RAPH1: variants seen among roughly 807,000 people sequenced by gnomAD.
RAPH1 encodes Ras association (RalGDS/AF-6) and pleckstrin homology domains 1.
In RAPH1, 18 loss-of-function variants were observed where a neutral mutation model predicts 88.1. That is an observed-to-expected ratio of 0.20 (90% CI 0.14 to 0.30). The LOEUF is 0.30. Ranked by LOEUF, RAPH1 falls within the 10% of genes least tolerant of loss-of-function variation. RAPH1 has a pLI of 1.00. For synonymous variants in RAPH1, 587 were observed against 559.0 expected, an observed-to-expected ratio of 1.05 and a Z score of -0.71; for missense variants, 1,448 against 1,543.2, an observed-to-expected ratio of 0.94 and a Z score of 1.03.
At chr2:203,520,640 A>G (rs1258926433) in intron 1 of RAPH1, among the ~76,000 whole-genome samples, 1 of 152,070 alleles carries the variant, frequency 6.6e-6, no homozygotes, top group Non-Finnish European at 1.5e-5. Flanking sequence ...AAAGGAAAAA[A>G]AAAAAACTAC....
intron 1 of RAPH1, among the ~76,000 whole-genome samples, chr2:203,503,077 G>C (rs986740025): frequency 3.9e-5 from 6 of 152,184 alleles, no homozygotes; most frequent in Admixed American, 3.9e-4. Context: ...CCAGGAGGTA[G>C]AGGTTGCAGT....
At chr2:203,450,066 A>G (rs2098513502) in intron 10 of RAPH1, among the ~76,000 whole-genome samples, 1 of 152,028 alleles carries the variant, frequency 6.6e-6, no homozygotes, top group Admixed American at 6.6e-5. Context: ...AAAGCTTTAA[A>G]AGAATTTAGT....
chr2:203,468,788 G>A (rs548739939), intron 4 of RAPH1, among the ~76,000 whole-genome samples: 15 of 152,266 alleles, frequency 9.9e-5, no homozygotes, highest in Middle Eastern at 3.4e-3. Context: ...GAAGGGGGAC[G>A]GGCAATAATA....
Position 203,440,370 on chromosome 2 carries a change from T to TG in RAPH1, c.2819dup (p.Pro941ThrfsTer11). On this transcript the variant is annotated frameshift_variant, in exon 14 of 14. Coordinates refer to ENST00000319170, the MANE Select transcript of RAPH1 (RefSeq NM_213589.3). LOFTEE classifies it high-confidence loss of function. ...TAGGAGAAGCTGTGGGTGGAGGTGG[T>TG]GGTGGTGGGGCTGGGACAGGTGATG... 1 of 1,578,750 alleles carries TG rather than the reference T, an allele frequency of 6.3e-7. No individual in the cohort carries two copies. Among genetic ancestry groups the TG allele is most frequent in the Non-Finnish European group, 8.6e-7 (1 of 1,162,392 alleles).
intron 1 of RAPH1, among the ~76,000 whole-genome samples, chr2:203,529,654 CA>C (rs1182220272): frequency 6.6e-6 from 1 of 152,236 alleles, no homozygotes; most frequent in Non-Finnish European, 1.5e-5. Flanking sequence ...TGAGCCACTG[CA>C]CCCGGCCAAA....
chr2:203,502,686 G>A (rs1407200453), intron 1 of RAPH1, among the ~76,000 whole-genome samples: 7 of 151,624 alleles, frequency 4.6e-5, no homozygotes, highest in Non-Finnish European at 1.0e-4. Flanking sequence ...CGGGTGTGGT[G>A]GCAGGTGCCT....
intron 13 of RAPH1, 45 bp from the exon 14 acceptor site, chr2:203,441,458 A>C (rs1319892373): frequency 6.7e-7 from 1 of 1,491,540 alleles, no homozygotes; most frequent in East Asian, 2.3e-5. Context: ...AAAACACAAC[A>C]AACAAAACAG....
chr2:203,444,814 A>G, intron 13 of RAPH1, 54 bp downstream of exon 13: 1 of 1,555,956 alleles, frequency 6.4e-7, no homozygotes, highest in Non-Finnish European at 8.8e-7. Flanking sequence ...GCAACAATTT[A>G]AACCCAAAAG....
intron 1 of RAPH1, among the ~76,000 whole-genome samples, chr2:203,510,760 T>G (rs964472138): frequency 2.0e-5 from 3 of 152,296 alleles, no homozygotes; most frequent in Middle Eastern, 3.4e-3. Flanking sequence ...GAAGGTTGCA[T>G]GACCTTGTGA....
intron 1 of RAPH1, among the ~76,000 whole-genome samples, chr2:203,529,175 T>C (rs1690275644): frequency 6.6e-6 from 1 of 151,568 alleles, no homozygotes; most frequent in Non-Finnish European, 1.5e-5. Context: ...AGACAGGGTT[T>C]TGCCATGTTC....
intron 7 of RAPH1, among the ~76,000 whole-genome samples, chr2:203,459,561 G>A (rs1052549462): frequency 2.6e-5 from 4 of 152,176 alleles, no homozygotes; most frequent in African/African-American, 9.7e-5. Context: ...TTTCTTTGAT[G>A]AGATGACAAA....
chr2:203,439,662 C>T lies in RAPH1; in HGVS notation c.3528G>A (p.Lys1176=). The T allele has an allele frequency of 6.2e-7, 1 of 1,614,098 alleles. No homozygotes were observed. The highest frequency in any genetic ancestry group is 8.5e-7 in the Non-Finnish European group (1 of 1,180,022). ...LADLNRTLQR[K]SITRHGSLSS... ...AGAGTGAGCCGTGCCGAGTGATGGA[C>T]TTTCGTTGCAGTGTCCTGTTGAGGT... Residue 1176 remains lysine, a synonymous_variant, in exon 14 of 14, where the codon AAG becomes AAA. Coordinates refer to ENST00000319170, the MANE Select transcript of RAPH1 (RefSeq NM_213589.3).
At chr2:203,458,769 TC>T (rs2098521901) in intron 7 of RAPH1, among the ~76,000 whole-genome samples, 3 of 146,946 alleles carry the variant, frequency 2.0e-5, no homozygotes, top group Non-Finnish European at 3.0e-5. Flanking sequence ...TTTCTTTTTC[TC>T]TTTTTTTTTT....
Position 203,454,456 on chromosome 2 carries a change from G to A in RAPH1, c.1387C>T (p.Pro463Ser), listed in dbSNP as rs2098517512. 6.2e-7 allele frequency: 1 copy of A among 1,612,800 alleles called. No homozygotes were observed. ...GQDYRNKYKA[P>S]TDYCLVLKHP... Reference sequence around the variant, plus strand: ...TTCAGCACCAGACAATAGTCTGTAGGTGCTTTGTATTTGTTCCGATAGTCC... The same window carrying A: ...TTCAGCACCAGACAATAGTCTGTAGATGCTTTGTATTTGTTCCGATAGTCC... The change falls in exon 10 of 14, where the codon CCT becomes TCT. Residue 463 changes from proline to serine, a missense_variant. This residue lies in a region of RAPH1 where 513 missense variants were observed against 653.1 expected (regional missense o/e 0.79). Coordinates refer to ENST00000319170, the MANE Select transcript of RAPH1 (RefSeq NM_213589.3).
chr2:203,502,997 G>A (rs1232871987), intron 1 of RAPH1, among the ~76,000 whole-genome samples: 1 of 151,374 alleles, frequency 6.6e-6, no homozygotes. Flanking sequence ...AAAATTAGCT[G>A]GATGTAGTGG....
At chr2:203,493,012 T>C (rs1324368630) in intron 2 of RAPH1, among the ~76,000 whole-genome samples, 1 of 152,224 alleles carries the variant, frequency 6.6e-6, no homozygotes. Flanking sequence ...GGTGTACAGA[T>C]AACACTGTAA....
intron 1 of RAPH1, among the ~76,000 whole-genome samples, chr2:203,528,565 T>C (rs530976824): frequency 1.6e-4 from 24 of 152,264 alleles, no homozygotes; most frequent in African/African-American, 5.3e-4. Flanking sequence ...ATGAGCTGCC[T>C]TGTCAGCTAA....
At chr2:203,508,457 C>G (rs923349563) in intron 1 of RAPH1, among the ~76,000 whole-genome samples, 23 of 152,086 alleles carry the variant, frequency 1.5e-4, no homozygotes, top group Non-Finnish European at 4.4e-5. Flanking sequence ...ATTCTTCTTA[C>G]AACTTTTCTG....
chr2:203,499,728 A>G (rs1419239016), intron 1 of RAPH1, among the ~76,000 whole-genome samples: 3 of 152,176 alleles, frequency 2.0e-5, no homozygotes, highest in Non-Finnish European at 4.4e-5. Flanking sequence ...AAAAAAACTT[A>G]AGAAACTTAC....
Sources: gnomAD v4.1 joint callset for allele counts (sites outside exome capture counted in the v4.1 genomes callset) on GRCh38, gnomAD v4.1.1 for gene constraint, gnomAD v4.1.1 regional missense constraint, MANE v1.5 for transcripts, NCBI Gene and HGNC (gene_info 2026-07-23, HGNC 2026-07-21) for gene names.